Variants in GRIN2A observed in about 807,000 individuals in gnomAD.
The protein encoded by GRIN2A is glutamate ionotropic receptor NMDA type subunit 2A, also known as glutamate receptor ionotropic, NMDA 2A.
Under a neutral mutation model 113.4 loss-of-function variants are expected in GRIN2A, and 22 were observed. That is an observed-to-expected ratio of 0.19 (90% CI 0.14 to 0.28). GRIN2A has a LOEUF of 0.28. Among genes scored for constraint, GRIN2A ranks in the 10% least tolerant of loss-of-function variants. GRIN2A has a pLI of 1.00. For synonymous variants in GRIN2A, 827 were observed against 738.4 expected, an observed-to-expected ratio of 1.12 and a Z score of -1.94; for missense variants, 1,502 against 1,887.0, an observed-to-expected ratio of 0.80 and a Z score of 3.78.
At chr16:9,950,743 C>A (rs192543066) in intron 2 of GRIN2A, among the ~76,000 whole-genome samples, 57 of 152,332 alleles carry the variant, frequency 3.7e-4, no homozygotes, top group Non-Finnish European at 6.8e-4. Flanking sequence ...TCAGTTCTTC[C>A]ACAGGCTACC....
At chr16:9,887,379 C>T (rs906041501) in intron 4 of GRIN2A, among the ~76,000 whole-genome samples, 3 of 152,154 alleles carry the variant, frequency 2.0e-5, no homozygotes, top group Admixed American at 2.0e-4. Context: ...ATATCTAACC[C>T]CATAGGGAAC....
chr16:10,013,456 C>T (rs913125005), intron 2 of GRIN2A, among the ~76,000 whole-genome samples: 5 of 152,220 alleles, frequency 3.3e-5, no homozygotes, highest in African/African-American at 1.2e-4. Flanking sequence ...ATTTCTCTCT[C>T]CCTTATAGCT....
rs1340152012 is a variant in GRIN2A at position 9,914,559 on chromosome 16, GTTCTGAAAC to G, written c.1007+23391_1007+23399del. ...CCACAGAAAATTTCCCAATGCACAAGTTCTGAAACTATCTTCAACGCATACGCATTTGTT... is the reference window on the plus strand; with the variant it reads ...CCACAGAAAATTTCCCAATGCACAAGTATCTTCAACGCATACGCATTTGTT... On this transcript the variant is annotated intron_variant, in intron 3 of 12. Transcript: ENST00000330684. Among the ~76,000 whole-genome samples the G allele has an allele frequency of 2.0e-5, 3 of 152,302 alleles. No individual in the cohort carries two copies. In the East Asian group the frequency reaches 5.8e-4, roughly 29 times the overall value.
chr16:9,985,420 T>C (rs1325737308), intron 2 of GRIN2A, among the ~76,000 whole-genome samples: 3 of 152,150 alleles, frequency 2.0e-5, no homozygotes, highest in East Asian at 3.8e-4. Flanking sequence ...CTACTCACAA[T>C]AGCCAAGATT....
chr16:9,928,413 T>C (rs991280598), intron 3 of GRIN2A, among the ~76,000 whole-genome samples: 2 of 152,208 alleles, frequency 1.3e-5, no homozygotes, highest in Non-Finnish European at 2.9e-5. Flanking sequence ...TGCCCCTTTA[T>C]ACTTTGCTGC....
At chr16:10,028,667 G>C (rs1404164670) in intron 2 of GRIN2A, among the ~76,000 whole-genome samples, 1 of 152,166 alleles carries the variant, frequency 6.6e-6, no homozygotes, top group Non-Finnish European at 1.5e-5. Flanking sequence ...TGGACCATCA[G>C]GTTAGCAAAA....
intron 2 of GRIN2A, among the ~76,000 whole-genome samples, chr16:9,940,059 A>AGTGTGTGT (rs1348841299): frequency 8.8e-4 from 128 of 145,486 alleles, no homozygotes; most frequent in Middle Eastern, 3.5e-3. Flanking sequence ...AGAGAGAGAG[A>AGTGTGTGT]GAGTGTGTGT....
intron 4 of GRIN2A, among the ~76,000 whole-genome samples, chr16:9,890,223 C>G (rs1263797034): frequency 6.6e-6 from 1 of 152,186 alleles, no homozygotes; most frequent in Non-Finnish European, 1.5e-5. Context: ...AACGTAACAA[C>G]AAAGGCTTTC....
intron 2 of GRIN2A, among the ~76,000 whole-genome samples, chr16:10,139,907 A>G (rs1317638633): frequency 6.6e-6 from 1 of 152,070 alleles, no homozygotes; most frequent in East Asian, 1.9e-4. Flanking sequence ...GGCTCCCTGC[A>G]ACCTCCGCCT....
intron 2 of GRIN2A, among the ~76,000 whole-genome samples, chr16:9,976,091 T>C (rs1196704152): frequency 6.6e-6 from 1 of 152,242 alleles, no homozygotes; most frequent in Non-Finnish European, 1.5e-5. Flanking sequence ...CATTATTTAT[T>C]ATTAGTCTAT....
At chr16:9,994,103 C>T (rs927358610) in intron 2 of GRIN2A, among the ~76,000 whole-genome samples, 1 of 152,166 alleles carries the variant, frequency 6.6e-6, no homozygotes, top group Non-Finnish European at 1.5e-5. Flanking sequence ...TTGGCACAAA[C>T]GCTCGGAAGT....
intron 2 of GRIN2A, among the ~76,000 whole-genome samples, chr16:10,061,135 T>C (rs1470829509): frequency 6.6e-6 from 1 of 152,176 alleles, no homozygotes; most frequent in Non-Finnish European, 1.5e-5. Flanking sequence ...CTTTTTGCTC[T>C]TCTCCTCCTT....
chr16:9,812,135 T>G (rs1322514880), intron 10 of GRIN2A, among the ~76,000 whole-genome samples: 1 of 152,182 alleles, frequency 6.6e-6, no homozygotes, highest in African/African-American at 2.4e-5. Flanking sequence ...TTTTACATTG[T>G]GACTCAAAGC....
In GRIN2A at chr16:10,056,488, A is replaced by T. The variant is rs549816235; in HGVS notation, c.415-117937T>A. ...ATACATCCATCTCTTCAACCCTCTAACCACCTGTATTGGGTTGAGCAGCAT... is the reference window on the plus strand; with the variant it reads ...ATACATCCATCTCTTCAACCCTCTATCCACCTGTATTGGGTTGAGCAGCAT... On this transcript the variant is annotated intron_variant, in intron 2 of 12. Transcript: ENST00000330684. Among the ~76,000 whole-genome samples the T allele has an allele frequency of 2.0e-5, 3 of 152,124 alleles. No individual in the cohort carries two copies. The East Asian group carries it at 5.8e-4, about 29-fold the overall frequency.
intron 2 of GRIN2A, among the ~76,000 whole-genome samples, chr16:10,019,260 C>T (rs1403885019): frequency 6.6e-6 from 1 of 152,140 alleles, no homozygotes; most frequent in Non-Finnish European, 1.5e-5. Context: ...GACACAGTGT[C>T]TGGCATGTGA....
At chr16:9,850,165 C>T (rs1161207493) in intron 4 of GRIN2A, among the ~76,000 whole-genome samples, 1 of 152,216 alleles carries the variant, frequency 6.6e-6, no homozygotes, top group Non-Finnish European at 1.5e-5. Context: ...CAGCCGCCCT[C>T]ATCCCCAGAG....
chr16:9,977,885 T>A (rs963423230), intron 2 of GRIN2A, among the ~76,000 whole-genome samples: 1 of 151,972 alleles, frequency 6.6e-6, no homozygotes, highest in Non-Finnish European at 1.5e-5. Flanking sequence ...AAAATAAAAA[T>A]AAAAAAATAA....
intron 2 of GRIN2A, among the ~76,000 whole-genome samples, chr16:10,011,480 A>G (rs148052717): frequency 6.6e-6 from 1 of 152,212 alleles, no homozygotes; most frequent in South Asian, 2.1e-4. Context: ...CCCAGGGCCA[A>G]GGCGGGACCC....
At chr16:10,075,212 G>A (rs1274493057) in intron 2 of GRIN2A, among the ~76,000 whole-genome samples, 1 of 151,986 alleles carries the variant, frequency 6.6e-6, no homozygotes. Context: ...GTAAATTTTG[G>A]TTGATCACTT....
Sources: gnomAD v4.1 joint callset for allele counts (sites outside exome capture counted in the v4.1 genomes callset) on GRCh38, gnomAD v4.1.1 for gene constraint, MANE v1.5 for transcripts, NCBI Gene and HGNC (gene_info 2026-07-23, HGNC 2026-07-21) for gene names.